The following SMCO4 variants were observed in gnomAD, a reference collection of about 807,000 sequenced individuals.
The protein encoded by SMCO4 is single-pass membrane protein with coiled-coil domains 4.
In SMCO4, 4 loss-of-function variants were observed where a neutral mutation model predicts 3.6. That is an observed-to-expected ratio of 1.11 (90% confidence interval 0.54 to 2.53). The LOEUF is 2.53. Ranked by LOEUF, SMCO4 falls within the 30% of genes most tolerant of loss-of-function variation. The pLI is 0.02. For synonymous variants in SMCO4, 36 were observed against 35.3 expected (o/e 1.02, Z -0.07); for missense variants, 70 against 80.8 (o/e 0.87, Z 0.51).
intron 1 of SMCO4, among the ~76,000 whole-genome samples, chr11:93,528,090 CAG>C (rs1221710614): frequency 2.0e-5 from 3 of 151,888 alleles, no homozygotes; most frequent in Admixed American, 1.3e-4. Context: ...GTTATAAAGA[CAG>C]TACATGCTCA....
At chr11:93,516,561 G>C (rs1371585495) in intron 1 of SMCO4, among the ~76,000 whole-genome samples, 1 of 152,140 alleles carries the variant, frequency 6.6e-6, no homozygotes, top group Non-Finnish European at 1.5e-5. Context: ...AGGCCAAGGC[G>C]GGTGGATCAC....
At chr11:93,491,916 G>A (rs1032554511) in intron 2 of SMCO4, among the ~76,000 whole-genome samples, 1 of 152,190 alleles carries the variant, frequency 6.6e-6, no homozygotes, top group Admixed American at 6.5e-5. Context: ...TTTTAGGCAT[G>A]AACTTCATCA....
intron 1 of SMCO4, among the ~76,000 whole-genome samples, chr11:93,504,627 T>C (rs2134602324): frequency 6.6e-6 from 1 of 152,354 alleles, no homozygotes; most frequent in Middle Eastern, 3.4e-3. Context: ...AAGGCTATTC[T>C]GTCGCAAAAC....
At chr11:93,514,388 A>AGCC (rs1266025445) in intron 1 of SMCO4, among the ~76,000 whole-genome samples, 1 of 16,610 alleles carries the variant, frequency 6.0e-5, no homozygotes, top group Non-Finnish European at 1.6e-4. Context: ...ATATATATAT[A>AGCC]TATATATATA....
intron 1 of SMCO4, among the ~76,000 whole-genome samples, chr11:93,507,576 G>A (rs1260756874): frequency 6.6e-6 from 1 of 152,168 alleles, no homozygotes; most frequent in East Asian, 1.9e-4. Flanking sequence ...GACTAATGAT[G>A]CATGATGTTA....
At chr11:93,525,230 A>T (rs925063141) in intron 1 of SMCO4, among the ~76,000 whole-genome samples, 1 of 152,250 alleles carries the variant, frequency 6.6e-6, no homozygotes, top group African/African-American at 2.4e-5. Context: ...AATCTCAAGC[A>T]CTGCTACTTA....
chr11:93,534,147 C>T (rs542221438), intron 1 of SMCO4, among the ~76,000 whole-genome samples: 9 of 148,978 alleles, frequency 6.0e-5, no homozygotes, highest in East Asian at 3.9e-4. Context: ...GCTAAGATCG[C>T]GGCACAGCAC....
chr11:93,510,742 C>A (rs992515401), intron 1 of SMCO4, among the ~76,000 whole-genome samples: 2 of 152,196 alleles, frequency 1.3e-5, no homozygotes, highest in African/African-American at 4.8e-5. Flanking sequence ...AGGGCCTGCC[C>A]AACAGATGTA....
intron 1 of SMCO4, among the ~76,000 whole-genome samples, chr11:93,524,715 C>T (rs977532041): frequency 2.0e-5 from 3 of 152,162 alleles, no homozygotes; most frequent in Admixed American, 6.5e-5. Flanking sequence ...AGGGAAGGCA[C>T]GGAGTACTGA....
At chr11:93,538,658 G>A (rs1199190776) in intron 1 of SMCO4, among the ~76,000 whole-genome samples, 2 of 152,118 alleles carry the variant, frequency 1.3e-5, no homozygotes, top group Non-Finnish European at 2.9e-5. Flanking sequence ...CTTTTAGCCT[G>A]CACATAGTCA....
intron 2 of SMCO4, chr11:93,481,438 G>A: frequency 1.0e-6 from 1 of 985,458 alleles, no homozygotes; most frequent in Non-Finnish European, 1.2e-6. Context: ...CACCTTCGCG[G>A]GACCGTGGTG....
intron 1 of SMCO4, among the ~76,000 whole-genome samples, chr11:93,518,123 T>C (rs991134543): frequency 6.6e-6 from 1 of 152,224 alleles, no homozygotes; most frequent in African/African-American, 2.4e-5. Flanking sequence ...CTCCAGCCCC[T>C]GGAAACCATT....
intron 1 of SMCO4, among the ~76,000 whole-genome samples, chr11:93,542,790 C>T (rs1291328254): frequency 6.6e-6 from 1 of 152,144 alleles, no homozygotes; most frequent in African/African-American, 2.4e-5. Flanking sequence ...GGTCCGCCGC[C>T]GGACTCTTGT....
At chr11:93,487,922 G>T (rs1320345799) in intron 2 of SMCO4, among the ~76,000 whole-genome samples, 2 of 152,216 alleles carry the variant, frequency 1.3e-5, no homozygotes, top group African/African-American at 2.4e-5. Context: ...TATTTTTTAA[G>T]CATACCCTGT....
chr11:93,484,769 C>G (rs902568446), intron 2 of SMCO4, among the ~76,000 whole-genome samples: 1 of 151,482 alleles, frequency 6.6e-6, no homozygotes, highest in African/African-American at 2.4e-5. Flanking sequence ...TACCAATTAG[C>G]TGTTGGGCAG....
intron 1 of SMCO4, among the ~76,000 whole-genome samples, chr11:93,520,198 TAGG>T (rs1446593296): frequency 6.6e-6 from 1 of 152,192 alleles, no homozygotes; most frequent in Non-Finnish European, 1.5e-5. Flanking sequence ...TCCTGAAGTT[TAGG>T]AGTTCAGCAA....
At chr11:93,542,411 C>T (rs1388210837) in intron 1 of SMCO4, among the ~76,000 whole-genome samples, 1 of 152,120 alleles carries the variant, frequency 6.6e-6, no homozygotes, top group African/African-American at 2.4e-5. Flanking sequence ...CTGACAGCTC[C>T]CGGAGATAGT....
In SMCO4 at chr11:93,514,419, T is replaced by TATATAA. The variant is rs1555077574; in HGVS notation, c.-153-15072_-153-15071insTTATAT. ...ATATATATATATATATATATATATA[T>TATATAA]ATAAAATTTGGTCTCTTCCAAAGAT... On this transcript the variant is annotated intron_variant, in intron 1 of 2. Transcript: ENST00000298966. 7.3e-4 allele frequency among the ~76,000 whole-genome samples: 31 copies of TATATAA among 42,564 alleles called. 1 individual carries two copies. The highest frequency in any genetic ancestry group is 2.2e-3 in the African/African-American group (30 of 13,618). The allele number at this position is 42,564 out of a possible 152,430, so 27.9% of individuals were successfully genotyped here.
intron 1 of SMCO4, among the ~76,000 whole-genome samples, chr11:93,542,478 G>A (rs1276993370): frequency 6.6e-6 from 1 of 152,152 alleles, no homozygotes; most frequent in African/African-American, 2.4e-5. Context: ...CATCTCATCC[G>A]CTCAGCTGTC....
Sources: allele counts gnomAD v4.1 joint callset (sites outside exome capture counted in the v4.1 genomes callset), GRCh38; gene constraint gnomAD v4.1.1; transcripts MANE v1.5; gene names NCBI Gene and HGNC (gene_info 2026-07-23, HGNC 2026-07-21).